The following CERT1 variants were observed in gnomAD, a reference collection of about 807,000 sequenced individuals.
CERT1 encodes the protein ceramide transporter 1.
In CERT1, 31 loss-of-function variants were observed where a neutral mutation model predicts 87.9. The observed-to-expected ratio is 0.35, with a 90% CI of 0.27 to 0.48. CERT1 has a LOEUF of 0.48. CERT1 is among the 20% of genes least tolerant of loss of function. The probability of loss-of-function intolerance (pLI) is 0.99; values close to 1 mark genes in which losing one functional copy is unlikely to be tolerated. For missense variants in CERT1, 487 were observed against 758.0 expected (o/e 0.64, Z 4.20); for synonymous variants, 289 against 250.9 (o/e 1.15, Z -1.44).
At chr5:75,427,071 G>C (rs568450406) in intron 3 of CERT1, among the ~76,000 whole-genome samples, 2 of 152,150 alleles carry the variant, frequency 1.3e-5, no homozygotes, top group East Asian at 3.9e-4. Flanking sequence ...TAACCACCTC[G>C]ACAGTTCATG....
intron 2 of CERT1, among the ~76,000 whole-genome samples, chr5:75,479,982 T>A (rs1280850123): frequency 1.3e-5 from 2 of 152,184 alleles, no homozygotes; most frequent in Non-Finnish European, 2.9e-5. Flanking sequence ...ATAATAGCCA[T>A]TCTGACAGGT....
At chr5:75,471,533 G>C (rs1458133859) in intron 2 of CERT1, among the ~76,000 whole-genome samples, 1 of 151,976 alleles carries the variant, frequency 6.6e-6, no homozygotes, top group East Asian at 1.9e-4. Context: ...GGCTGAGGCA[G>C]GCAGATCATG....
At chr5:75,504,032 A>G (rs1767538131) in intron 2 of CERT1, among the ~76,000 whole-genome samples, 1 of 142,280 alleles carries the variant, frequency 7.0e-6, no homozygotes, top group Non-Finnish European at 1.6e-5. Context: ...ACTACTACTT[A>G]GAGAATAATA....
At chr5:75,469,011 AG>A (rs1341456165) in intron 2 of CERT1, among the ~76,000 whole-genome samples, 6 of 152,240 alleles carry the variant, frequency 3.9e-5, no homozygotes, top group African/African-American at 1.4e-4. Flanking sequence ...GAATTCAAAC[AG>A]CTATTTTAAG....
chr5:75,389,506 G>T, intron 12 of CERT1, 86 bp downstream of exon 12: 1 of 960,242 alleles, frequency 1.0e-6, no homozygotes, highest in Non-Finnish European at 1.7e-6. Context: ...AGTTGAAAGT[G>T]CTATCCTTAT....
At chr5:75,503,723 T>C (rs1437541596) in intron 2 of CERT1, among the ~76,000 whole-genome samples, 1 of 151,766 alleles carries the variant, frequency 6.6e-6, no homozygotes, top group East Asian at 1.9e-4. Flanking sequence ...GCATGTCTTT[T>C]ACTATGTACC....
intron 3 of CERT1, among the ~76,000 whole-genome samples, chr5:75,451,307 C>CTTA (rs887790824): frequency 3.9e-5 from 6 of 152,170 alleles, no homozygotes; most frequent in Admixed American, 1.3e-4. Flanking sequence ...TTCTCTGCTG[C>CTTA]TTAATAAAGG....
At chr5:75,453,829 A>T (rs886231319) in intron 3 of CERT1, among the ~76,000 whole-genome samples, 60 of 148,432 alleles carry the variant, frequency 4.0e-4, no homozygotes, top group African/African-American at 1.4e-3. Flanking sequence ...TGTATGTGAG[A>T]GAGAGAGAGA....
intron 8 of CERT1, among the ~76,000 whole-genome samples, chr5:75,405,117 A>G (rs576563839): frequency 1.3e-5 from 2 of 152,318 alleles, no homozygotes; most frequent in South Asian, 2.1e-4. Flanking sequence ...AGGAATTGGC[A>G]TAAAATTTTC....
intron 8 of CERT1, among the ~76,000 whole-genome samples, chr5:75,403,623 G>A (rs147209412): frequency 4.8e-4 from 73 of 152,302 alleles, no homozygotes; most frequent in African/African-American, 1.6e-3. Flanking sequence ...TAATAAGTAC[G>A]GCTAGGCATT....
intron 3 of CERT1, among the ~76,000 whole-genome samples, chr5:75,441,269 G>C (rs949350001): frequency 6.6e-6 from 1 of 152,080 alleles, no homozygotes; most frequent in African/African-American, 2.4e-5. Flanking sequence ...TTGTAACCTA[G>C]AAGCAATATG....
chr5:75,459,085 C>A lies in CERT1; in HGVS notation c.328G>T (p.Asp110Tyr), dbSNP rs749907316. 1.3e-6 allele frequency: 2 copies of A among 1,599,088 alleles called. No individual in the cohort carries two copies. Among genetic ancestry groups the A allele is most frequent in the Middle Eastern group, 1.7e-4 (1 of 6,024 alleles). ...QDPDHRQQWI[D>Y]AIEQHKTESG... ...CTTACCTTGTGCTGTTCAATGGCAT[C>A]TATCCATTGCTGTCTATGATCTGGA... Residue 110 changes from aspartate (D) to tyrosine (Y), a missense_variant, in exon 3 of 17, where the codon GAT becomes TAT. Physicochemically the swap from Asp to Tyr is radical, Grantham distance 160. This residue lies in a region of CERT1 where 173 missense variants were observed against 302.2 expected (regional missense o/e 0.57). Coordinates refer to ENST00000643780, the MANE Select transcript of CERT1 (RefSeq NM_001379029.1).
intron 16 of CERT1, among the ~76,000 whole-genome samples, chr5:75,379,721 G>A (rs1026526674): frequency 6.6e-6 from 1 of 152,116 alleles, no homozygotes; most frequent in African/African-American, 2.4e-5. Context: ...GAGTAGCTGG[G>A]ATTACAGGTG....
intron 12 of CERT1, among the ~76,000 whole-genome samples, chr5:75,386,380 C>A (rs938777868): frequency 1.3e-5 from 2 of 152,142 alleles, no homozygotes; most frequent in Non-Finnish European, 2.9e-5. Flanking sequence ...AATATATTCT[C>A]CTTAAAGATA....
chr5:75,431,230 T>C (rs903447868), intron 3 of CERT1, among the ~76,000 whole-genome samples: 2 of 152,168 alleles, frequency 1.3e-5, no homozygotes, highest in South Asian at 4.1e-4. Flanking sequence ...CACCCTCAAG[T>C]AGGGCCCAGT....
chr5:75,421,340 C>T (rs1235175338), intron 5 of CERT1, among the ~76,000 whole-genome samples: 10 of 152,142 alleles, frequency 6.6e-5, no homozygotes, highest in African/African-American at 2.4e-4. Flanking sequence ...TTCTGTACTG[C>T]CATTTTCTAA....
intron 3 of CERT1, among the ~76,000 whole-genome samples, chr5:75,451,644 ATC>A (rs969982353): frequency 2.6e-5 from 4 of 152,220 alleles, no homozygotes; most frequent in African/African-American, 9.6e-5. Context: ...TAGAGAGGGT[ATC>A]TGTTAAAATC....
chr5:75,384,682 G>A lies in CERT1; in HGVS notation c.1448C>T (p.Thr483Ile). ...AATGATGATTGCATTATCAGCTAATGTTTCCACCACATGAAAGTTTTCTAT... is the reference window on the plus strand; with the variant it reads ...AATGATGATTGCATTATCAGCTAATATTTCCACCACATGAAAGTTTTCTAT... ...TTIENFHVVETLADNAIIIYQ... is the reference protein window; with the variant it reads ...TTIENFHVVEILADNAIIIYQ... Residue 483 changes from threonine (T) to isoleucine (I), a missense_variant, in exon 14 of 17, where the codon ACA (threonine) becomes ATA (isoleucine). By Grantham distance (89) the Thr-to-Ile change is moderately conservative. This residue lies in a region of CERT1 where 147 missense variants were observed against 200.8 expected (regional missense o/e 0.73). Transcript: ENST00000643780. The A allele has an allele frequency of 6.2e-7, 1 of 1,605,050 alleles. No individual in the cohort carries two copies.
chr5:75,481,167 G>A (rs1331523455), intron 2 of CERT1, among the ~76,000 whole-genome samples: 2 of 152,140 alleles, frequency 1.3e-5, no homozygotes, highest in Non-Finnish European at 2.9e-5. Flanking sequence ...TGCTCCAGTC[G>A]TATTGGCCTT....
Sources: allele counts gnomAD v4.1 joint callset (sites outside exome capture counted in the v4.1 genomes callset), GRCh38; gene constraint gnomAD v4.1.1; regional missense constraint gnomAD v4.1.1; transcripts MANE v1.5; gene names NCBI Gene and HGNC (gene_info 2026-07-23, HGNC 2026-07-21).